Variants in VCAN observed in about 807,000 individuals in gnomAD.
VCAN encodes versican, also known as versican core protein.
A neutral mutation model predicts 245.5 loss-of-function variants in VCAN; 44 were observed. That is an observed-to-expected ratio of 0.18 (90% CI 0.14 to 0.23). The LOEUF (loss-of-function observed/expected upper bound fraction) is 0.23, where lower values mean the gene tolerates loss of function less well. Ranked by LOEUF, VCAN falls within the 10% of genes least tolerant of loss-of-function variation. VCAN has a pLI of 1.00. For synonymous variants in VCAN, 1,413 were observed against 1,437.0 expected (o/e 0.98, Z 0.38); for missense variants, 3,793 against 4,057.9 (o/e 0.93, Z 1.77).
At chr5:83,530,085 G>A (rs973256132) in intron 7 of VCAN, among the ~76,000 whole-genome samples, 5 of 152,032 alleles carry the variant, frequency 3.3e-5, no homozygotes, top group Admixed American at 6.6e-5. Context: ...CATTTTGGGT[G>A]CAAATCAGAA....
intron 11 of VCAN, 80 bp downstream of exon 11, chr5:83,553,602 G>C: frequency 6.3e-7 from 1 of 1,583,650 alleles, no homozygotes; most frequent in Admixed American, 1.7e-5. Flanking sequence ...CAAGTGAAAA[G>C]AAGTAGCTTT....
intron 5 of VCAN, among the ~76,000 whole-genome samples, chr5:83,500,722 G>A (rs1745306402): frequency 2.0e-5 from 3 of 152,128 alleles, no homozygotes; most frequent in African/African-American, 7.2e-5. Flanking sequence ...AGTCTTGCAA[G>A]CCAAGAAGAT....
intron 1 of VCAN, among the ~76,000 whole-genome samples, chr5:83,477,235 T>A (rs1561222492): frequency 6.6e-6 from 1 of 152,188 alleles, no homozygotes; most frequent in African/African-American, 2.4e-5. Flanking sequence ...ATTGATCTAA[T>A]TCTATAATTT....
chr5:83,514,739 G>A (rs1255550121), intron 6 of VCAN, among the ~76,000 whole-genome samples: 1 of 152,164 alleles, frequency 6.6e-6, no homozygotes, highest in African/African-American at 2.4e-5. Context: ...GATTACAGGA[G>A]TGAGCCACTG....
chr5:83,508,487 G>A (rs928566025), intron 5 of VCAN, among the ~76,000 whole-genome samples: 2 of 152,138 alleles, frequency 1.3e-5, no homozygotes, highest in African/African-American at 4.8e-5. Context: ...AGAGATTAAA[G>A]ACATACTCAA....
Position 83,520,289 on chromosome 5 carries a change from TA to T in VCAN, c.1987del (p.Ile663TyrfsTer2). 6.2e-7 allele frequency: 1 copy of T among 1,613,982 alleles called. No individual in the cohort carries two copies. Among genetic ancestry groups the T allele is most frequent in the Non-Finnish European group, 8.5e-7 (1 of 1,179,966 alleles). On this transcript the variant is annotated frameshift_variant, in exon 7 of 15. Transcript: ENST00000265077. LOFTEE classifies it high-confidence loss of function. ...EIELFPYSGD[K>X]ILVEGISTVI... ...TAGAATTGTTTCCTTATTCTGGTGA[TA>T]AAATATTAGTAGAGGGAATTTCCAC... is the stretch of plus-strand genomic sequence containing the variant.
At chr5:83,480,971 A>G (rs1219433015) in intron 1 of VCAN, among the ~76,000 whole-genome samples, 2 of 152,132 alleles carry the variant, frequency 1.3e-5, no homozygotes, top group Non-Finnish European at 2.9e-5. Flanking sequence ...ATCAATTCCT[A>G]TGATCACTTC....
At chr5:83,476,248 C>T (rs769487519) in intron 1 of VCAN, among the ~76,000 whole-genome samples, 2 of 152,208 alleles carry the variant, frequency 1.3e-5, no homozygotes, top group Non-Finnish European at 2.9e-5. Context: ...GGCAACTAAG[C>T]CCTCCTTTCC....
chr5:83,494,089 A>G (rs1456411663), intron 5 of VCAN, among the ~76,000 whole-genome samples, 158 bp downstream of exon 5: 2 of 152,228 alleles, frequency 1.3e-5, no homozygotes, highest in Non-Finnish European at 2.9e-5. Flanking sequence ...ATAAGCCGAA[A>G]TTAAAGTGGA....
intron 5 of VCAN, among the ~76,000 whole-genome samples, chr5:83,497,594 A>G (rs1275778195): frequency 1.3e-5 from 2 of 152,230 alleles, no homozygotes; most frequent in Non-Finnish European, 2.9e-5. Flanking sequence ...TCAGTAATAG[A>G]ATGCTATTAT....
rs1290789625 is a variant in VCAN, at chr5:83,538,154, T to C, written c.5151T>C (p.Ser1717=). The change falls in exon 8 of 15, where the codon AGT becomes AGC. Residue 1717 remains serine, a synonymous_variant. Coordinates refer to ENST00000265077, the MANE Select transcript of VCAN (RefSeq NM_004385.5). ...SETDTSEWIS[S]TTVEEKKRKE... ...CAGACACTTCTGAGTGGATTTCCAG[T>C]ACCACTGTTGAGGAAAAGAAAAGGA... The C allele has an allele frequency of 6.2e-7, 1 of 1,613,964 alleles. No individual in the cohort carries two copies. Among genetic ancestry groups the C allele is most frequent in the Admixed American group, 1.7e-5 (1 of 59,988 alleles).
At chr5:83,533,152 ATTAC>A (rs1169822536) in intron 7 of VCAN, among the ~76,000 whole-genome samples, 4 of 152,160 alleles carry the variant, frequency 2.6e-5, no homozygotes, top group Non-Finnish European at 2.9e-5. Flanking sequence ...TTTCTTCTCA[ATTAC>A]TTAATTTATT....
chr5:83,511,822 A>G (rs1431887749), intron 5 of VCAN, among the ~76,000 whole-genome samples: 1 of 152,176 alleles, frequency 6.6e-6, no homozygotes, highest in Non-Finnish European at 1.5e-5. Flanking sequence ...TAAAGAATGT[A>G]TTATAAAATG....
At chr5:83,495,562 A>G (rs1233927374) in intron 5 of VCAN, among the ~76,000 whole-genome samples, 1 of 152,222 alleles carries the variant, frequency 6.6e-6, no homozygotes, top group Non-Finnish European at 1.5e-5. Flanking sequence ...AAAATAGAAG[A>G]GGAGATGGTT....
chr5:83,565,980 T>C (rs997602527), intron 12 of VCAN, among the ~76,000 whole-genome samples: 2 of 152,018 alleles, frequency 1.3e-5, no homozygotes, highest in Non-Finnish European at 2.9e-5. Flanking sequence ...CTTTTTTTTT[T>C]GAGACGGTGT....
chr5:83,539,316 C>T lies in VCAN; in HGVS notation c.6313C>T (p.Pro2105Ser). The change falls in exon 8 of 15, where the codon CCT becomes TCT. Residue 2105 changes from proline to serine, a missense_variant. Physicochemically the swap from Pro to Ser is moderately conservative, Grantham distance 74 (BLOSUM62 -1). Around this residue, in one of 5 missense-constraint regions of VCAN, gnomAD observed 3,182 missense variants for 3,250.3 expected, o/e 0.98. Coordinates refer to ENST00000265077, the MANE Select transcript of VCAN (RefSeq NM_004385.5). ...ATTATGGTCTAGGCAAGAAGTCAAC[C>T]CTGTAAGACAAGAAATTGAAAGTGA... is the stretch of plus-strand genomic sequence containing the variant. ...AKLWSRQEVNPVRQEIESETT... is the reference protein window; with the variant it reads ...AKLWSRQEVNSVRQEIESETT... 6.2e-7 allele frequency: 1 copy of T among 1,614,002 alleles called. No homozygotes were observed. Among genetic ancestry groups the T allele is most frequent in the Non-Finnish European group, 8.5e-7 (1 of 1,179,976 alleles).
intron 13 of VCAN, among the ~76,000 whole-genome samples, chr5:83,574,663 G>A (rs1263629500): frequency 6.6e-6 from 1 of 152,082 alleles, no homozygotes; most frequent in East Asian, 1.9e-4. Flanking sequence ...GATTATAATT[G>A]TCACCGGTTT....
chr5:83,487,375 A>C (rs1226796946), intron 2 of VCAN, among the ~76,000 whole-genome samples: 4 of 152,130 alleles, frequency 2.6e-5, no homozygotes, highest in Non-Finnish European at 5.9e-5. Context: ...CCCTCACTGT[A>C]CTCATTTGGA....
At chr5:83,543,295 G>A (rs1376406455) in intron 8 of VCAN, among the ~76,000 whole-genome samples, 1 of 152,082 alleles carries the variant, frequency 6.6e-6, no homozygotes, top group Non-Finnish European at 1.5e-5. Context: ...AATGTCAGTG[G>A]AATCCACAAA....
Sources: allele counts gnomAD v4.1 joint callset (sites outside exome capture counted in the v4.1 genomes callset), GRCh38; gene constraint gnomAD v4.1.1; regional missense constraint gnomAD v4.1.1; transcripts MANE v1.5; gene names NCBI Gene and HGNC (gene_info 2026-07-23, HGNC 2026-07-21).